PFKP: variants seen among roughly 807,000 people sequenced by gnomAD.
The protein encoded by PFKP is ATP-dependent 6-phosphofructokinase, platelet type.
PFKP carries 101 observed loss-of-function variants against 94.3 expected under a neutral mutation model. That is an observed-to-expected ratio of 1.07 (90% CI 0.91 to 1.26). The LOEUF (loss-of-function observed/expected upper bound fraction) is 1.26. Among genes scored for constraint, PFKP ranks in the 50% most tolerant of loss-of-function variants. PFKP has a pLI of 0.00. For missense variants in PFKP, 1,145 were observed against 1,103.3 expected, an observed-to-expected ratio of 1.04 and a Z score of -0.53; for synonymous variants, 573 against 432.6, an observed-to-expected ratio of 1.32 and a Z score of -4.03.
At chr10:3,125,034 G>T in intron 16 of PFKP, 1 of 1,145,810 alleles carries the variant, frequency 8.7e-7, no homozygotes, top group South Asian at 1.8e-5. Flanking sequence ...CCTCAGCACA[G>T]GCCCTGGGGC....
intron 11 of PFKP, 22 bp from the exon 12 acceptor site, chr10:3,113,097 C>T (rs776011204): frequency 1.2e-6 from 2 of 1,608,804 alleles, no homozygotes; most frequent in Admixed American, 1.7e-5. Flanking sequence ...GACTCCGGTC[C>T]AACGACACCC....
chr10:3,079,657 C>CGGGGGGGGGGGGGGGGGGGG (rs1456588977), intron 1 of PFKP, among the ~76,000 whole-genome samples: 1 of 7,788 alleles, frequency 1.3e-4, no homozygotes. Flanking sequence ...CTTCAGAGAG[C>CGGGGGGGGGGGGGGGGGGGG]GGGGTGGGGG....
intron 1 of PFKP, among the ~76,000 whole-genome samples, chr10:3,071,066 A>G (rs1451823744): frequency 6.6e-6 from 1 of 151,688 alleles, no homozygotes; most frequent in African/African-American, 2.4e-5. Flanking sequence ...CATCTCCACC[A>G]TGTTTTTCAG....
At chr10:3,115,972 A>AG (rs1263552240) in intron 13 of PFKP, among the ~76,000 whole-genome samples, 1 of 152,172 alleles carries the variant, frequency 6.6e-6, no homozygotes, top group Non-Finnish European at 1.5e-5. Flanking sequence ...GAACCGGATG[A>AG]GGAACCGTTC....
chr10:3,068,083 CCCTCGGGGGTCGTTCTG>C (rs1321230407), intron 1 of PFKP, among the ~76,000 whole-genome samples: 2 of 152,152 alleles, frequency 1.3e-5, no homozygotes, highest in Non-Finnish European at 2.9e-5. Flanking sequence ...GCCTGAAGCG[CCCTCGGGGGTCGTTCTG>C]CCTCTGAGCT....
At chr10:3,103,566 C>T (rs1344492718) in intron 4 of PFKP, among the ~76,000 whole-genome samples, 2 of 152,188 alleles carry the variant, frequency 1.3e-5, no homozygotes, top group Non-Finnish European at 2.9e-5. Context: ...GAGTTCAAGG[C>T]TGCAGTGGGC....
intron 1 of PFKP, among the ~76,000 whole-genome samples, chr10:3,076,108 T>G (rs965764411): frequency 6.6e-6 from 1 of 152,046 alleles, no homozygotes; most frequent in Non-Finnish European, 1.5e-5. Flanking sequence ...CAATCAATTA[T>G]TGTAGATTAT....
intron 18 of PFKP, 78 bp from the exon 19 acceptor site, chr10:3,133,125 C>G (rs1838789199): frequency 9.9e-7 from 1 of 1,010,622 alleles, no homozygotes; most frequent in Non-Finnish European, 1.6e-6. Context: ...AGTCCAGCCT[C>G]CCAGGGCCAT....
intron 16 of PFKP, among the ~76,000 whole-genome samples, chr10:3,120,715 G>A (rs1443689375): frequency 3.9e-5 from 6 of 152,100 alleles, no homozygotes; most frequent in South Asian, 2.1e-4. Flanking sequence ...GCTTGAGTGC[G>A]GTGGTGTGAT....
chr10:3,115,873 G>A (rs1193271459), intron 13 of PFKP, among the ~76,000 whole-genome samples: 6 of 152,074 alleles, frequency 3.9e-5, no homozygotes, highest in East Asian at 3.9e-4. Flanking sequence ...GAGATGCCCT[G>A]TGGCATCCCT....
At chr10:3,134,431 A>G in intron 19 of PFKP, 52 bp from the exon 20 acceptor site, 1 of 1,001,954 alleles carries the variant, frequency 1.0e-6, no homozygotes. Context: ...TCTATTTAAC[A>G]GCAAAGTGTT....
intron 13 of PFKP, 62 bp downstream of exon 13, chr10:3,113,580 C>A: frequency 6.7e-7 from 1 of 1,499,526 alleles, no homozygotes; most frequent in Non-Finnish European, 9.0e-7. Flanking sequence ...GTGGACGTGG[C>A]GGCGGGGGGG....
At position 3,101,443 on chromosome 10, in the gene PFKP, C is replaced by T; in HGVS notation, c.343C>T (p.Leu115=). The change falls in exon 4 of 22, where the codon CTG becomes TTG. Residue 115 remains leucine, a synonymous_variant. Coordinates refer to ENST00000381125, the MANE Select transcript of PFKP (RefSeq NM_002627.5). ...EGRLKAACNL[L]QRGITNLCVI... ...CCGCCTGAAGGCTGCTTGCAACCTG[C>T]TGCAGCGCGGCATCACCAACCTGTG... is the stretch of plus-strand genomic sequence containing the variant. The T allele has an allele frequency of 6.2e-7, 1 of 1,609,754 alleles. No individual in the cohort carries two copies. The highest frequency in any genetic ancestry group is 8.5e-7 in the Non-Finnish European group (1 of 1,178,454).
chr10:3,081,870 G>T (rs1376085634), intron 1 of PFKP, among the ~76,000 whole-genome samples: 3 of 151,866 alleles, frequency 2.0e-5, no homozygotes, highest in Non-Finnish European at 4.4e-5. Context: ...TTCTCAAGGG[G>T]GGCCTCCCTT....
At chr10:3,095,793 G>A (rs1834433434) in intron 2 of PFKP, among the ~76,000 whole-genome samples, 1 of 152,184 alleles carries the variant, frequency 6.6e-6, no homozygotes, top group East Asian at 1.9e-4. Flanking sequence ...TTCCTTGTTG[G>A]TGAAAGACGG....
intron 1 of PFKP, among the ~76,000 whole-genome samples, chr10:3,077,249 C>CTTTTTTTTTTTTTTTTT (rs35306351): frequency 9.2e-6 from 1 of 108,178 alleles, no homozygotes. Context: ...CTATTCTTTA[C>CTTTTTTTTTTTTTTTTT]TTTTTTTTTT....
intron 2 of PFKP, among the ~76,000 whole-genome samples, chr10:3,099,052 G>A (rs1834740735): frequency 2.0e-5 from 3 of 152,202 alleles, no homozygotes; most frequent in African/African-American, 7.2e-5. Flanking sequence ...ATTGCACTGT[G>A]AGGCTGAGTC....
chr10:3,079,140 GGGGAGAATCCA>G (rs1832822587), intron 1 of PFKP, among the ~76,000 whole-genome samples: 1 of 152,168 alleles, frequency 6.6e-6, no homozygotes, highest in South Asian at 2.1e-4. Flanking sequence ...GAGTGGGGGT[GGGGAGAATCCA>G]GCAGGGACTT....
intron 2 of PFKP, among the ~76,000 whole-genome samples, chr10:3,087,602 G>T (rs1330472240): frequency 3.3e-5 from 5 of 152,210 alleles, no homozygotes; most frequent in African/African-American, 1.2e-4. Context: ...CACCTTCGAA[G>T]CTGTCTAGGA....
Sources: gnomAD v4.1 joint callset for allele counts (sites outside exome capture counted in the v4.1 genomes callset) on GRCh38, gnomAD v4.1.1 for gene constraint, MANE v1.5 for transcripts, NCBI Gene and HGNC (gene_info 2026-07-23, HGNC 2026-07-21) for gene names.